Variants in HIVEP3 observed in about 807,000 individuals in gnomAD.
HIVEP3 encodes the protein transcription factor HIVEP3.
A neutral mutation model predicts 152.8 loss-of-function variants in HIVEP3; 49 were observed. The observed-to-expected ratio is 0.32, with a 90% CI of 0.26 to 0.41. HIVEP3 has a LOEUF of 0.41. Ranked by LOEUF, HIVEP3 falls within the 10% of genes least tolerant of loss-of-function variation. HIVEP3 has a pLI of 1.00. For synonymous variants in HIVEP3, 1,269 were observed against 1,289.0 expected (o/e 0.98, Z 0.33); for missense variants, 2,790 against 3,103.3 (o/e 0.90, Z 2.40).
chr1:41,806,538 C>T (rs1299321179), intron 1 of HIVEP3, among the ~76,000 whole-genome samples: 1 of 152,232 alleles, frequency 6.6e-6, no homozygotes, highest in African/African-American at 2.4e-5. Flanking sequence ...GTAAGAAGAG[C>T]ATGGATGCAT....
In HIVEP3 at chr1:41,822,151, C is replaced by T. The variant is rs554976434; in HGVS notation, c.-801+96262G>A. ...GGAGGGTCCCAGCGGGGCACTGAGG[C>T]TGTTGTCTGTGTGGCCACTCTCTCT... On this transcript the variant is annotated intron_variant, in intron 1 of 8. Coordinates refer to ENST00000372583, the MANE Select transcript of HIVEP3 (RefSeq NM_024503.5). Among the ~76,000 whole-genome samples, 122 of 152,270 alleles carry T rather than the reference C, an allele frequency of 8.0e-4. 2 individuals carry two copies. The highest frequency in any genetic ancestry group is 1.3e-3 in the Non-Finnish European group (91 of 68,022).
intron 1 of HIVEP3, among the ~76,000 whole-genome samples, chr1:41,849,752 G>A (rs1055869854): frequency 5.3e-5 from 8 of 150,142 alleles, no homozygotes; most frequent in Admixed American, 1.3e-4. Context: ...GTGCAATGGC[G>A]CAATCTCGGC....
chr1:41,527,705 CCCA>C (rs551511916), intron 5 of HIVEP3, among the ~76,000 whole-genome samples: 35 of 147,274 alleles, frequency 2.4e-4, no homozygotes, highest in African/African-American at 7.8e-4. Context: ...CTCACACACC[CCCA>C]CCCTCACATG....
chr1:41,717,406 G>T (rs1646611624), intron 1 of HIVEP3, among the ~76,000 whole-genome samples: 1 of 152,218 alleles, frequency 6.6e-6, no homozygotes, highest in Admixed American at 6.5e-5. Flanking sequence ...TTGTCAGGTG[G>T]TAATGAGCCC....
intron 1 of HIVEP3, among the ~76,000 whole-genome samples, chr1:41,774,461 AAG>A (rs2124271139): frequency 6.6e-6 from 1 of 152,370 alleles, no homozygotes; most frequent in East Asian, 1.9e-4. Flanking sequence ...TTTTGTGAGA[AAG>A]AATTCAGGCA....
At chr1:41,578,809 A>T (rs536670343) in intron 4 of HIVEP3, among the ~76,000 whole-genome samples, 18 of 152,176 alleles carry the variant, frequency 1.2e-4, no homozygotes, top group African/African-American at 4.3e-4. Flanking sequence ...TAGAAGGGAG[A>T]TGGTTATGTT....
intron 1 of HIVEP3, among the ~76,000 whole-genome samples, chr1:42,022,382 T>C (rs1024412927): frequency 6.6e-6 from 1 of 152,154 alleles, no homozygotes; most frequent in Non-Finnish European, 1.5e-5. Flanking sequence ...GCCCATAAAC[T>C]TACCCTCCTT....
intron 1 of HIVEP3, among the ~76,000 whole-genome samples, chr1:41,736,709 C>A (rs1194936182): frequency 6.6e-6 from 1 of 152,206 alleles, no homozygotes; most frequent in African/African-American, 2.4e-5. Context: ...AGACTCTGTA[C>A]TGGATGCCTG....
chr1:41,925,435 A>C (rs1307214290), intron 1 of HIVEP3, among the ~76,000 whole-genome samples: 2 of 152,230 alleles, frequency 1.3e-5, no homozygotes, highest in Non-Finnish European at 2.9e-5. Flanking sequence ...GAAAAATCAT[A>C]AGAGAAAACA....
intron 6 of HIVEP3, among the ~76,000 whole-genome samples, chr1:41,523,148 C>A (rs969060180): frequency 2.6e-5 from 4 of 152,248 alleles, no homozygotes; most frequent in Non-Finnish European, 4.4e-5. Context: ...CAGTTATCCC[C>A]GTCTTGCTCT....
chr1:41,689,231 T>G (rs1646158787), intron 2 of HIVEP3, among the ~76,000 whole-genome samples: 1 of 152,212 alleles, frequency 6.6e-6, no homozygotes, highest in East Asian at 1.9e-4. Flanking sequence ...TCCAGCTAGA[T>G]TGTCTGTTGT....
At chr1:41,891,070 A>T (rs554143098) in intron 1 of HIVEP3, among the ~76,000 whole-genome samples, 23 of 152,220 alleles carry the variant, frequency 1.5e-4, no homozygotes, top group African/African-American at 5.5e-4. Flanking sequence ...GGCCACTGCC[A>T]CCTGACCACA....
At chr1:41,981,417 G>A (rs980525665) in intron 1 of HIVEP3, among the ~76,000 whole-genome samples, 18 of 152,122 alleles carry the variant, frequency 1.2e-4, no homozygotes, top group East Asian at 7.7e-4. Context: ...AGCCGGCTCC[G>A]TCGGGGGCAG....
rs539767292 is a variant in HIVEP3, at chr1:41,533,688, C to T, written c.5208-8778G>A. ...GTCTCCTTTGCAAGCTCCTTTTTTGCCCACCCTTTCCCATGCCGACATGGC... is the reference window on the plus strand; with the variant it reads ...GTCTCCTTTGCAAGCTCCTTTTTTGTCCACCCTTTCCCATGCCGACATGGC... On this transcript the variant is annotated intron_variant, in intron 5 of 8. Coordinates refer to ENST00000372583, the MANE Select transcript of HIVEP3 (RefSeq NM_024503.5). This position sits in a 1 kb window ranked among gnomAD's most constrained non-coding sequence, Gnocchi z 4.3. 2.0e-5 allele frequency among the ~76,000 whole-genome samples: 3 copies of T among 151,870 alleles called. No individual in the cohort carries two copies. The highest frequency in any genetic ancestry group is 4.8e-5 in the African/African-American group (2 of 41,416).
At chr1:41,562,626 T>C (rs796747281) in intron 5 of HIVEP3, among the ~76,000 whole-genome samples, 3,991 of 112,456 alleles carry the variant, frequency 0.035, 196 homozygotes, top group African/African-American at 0.14. Context: ...TCTCTCTCTC[T>C]CTCTCTCCCT....
intron 1 of HIVEP3, among the ~76,000 whole-genome samples, chr1:41,996,389 C>A (rs74802951): frequency 1.3e-4 from 19 of 141,858 alleles, no homozygotes; most frequent in Admixed American, 2.1e-4. Flanking sequence ...GAACCTATCT[C>A]AAAAAAAAAA....
chr1:41,690,848 G>A (rs1341084158), intron 2 of HIVEP3, among the ~76,000 whole-genome samples: 1 of 152,180 alleles, frequency 6.6e-6, no homozygotes, highest in Non-Finnish European at 1.5e-5. Flanking sequence ...AACCCAGGAG[G>A]AGGAGGTTGC....
At chr1:42,018,411 G>T (rs1645535810) in intron 1 of HIVEP3, among the ~76,000 whole-genome samples, 1 of 151,618 alleles carries the variant, frequency 6.6e-6, no homozygotes, top group South Asian at 2.1e-4. Context: ...TTTGTGAATG[G>T]CTTGAGGAAG....
At chr1:41,793,639 T>C (rs1267795550) in intron 1 of HIVEP3, among the ~76,000 whole-genome samples, 1 of 152,042 alleles carries the variant, frequency 6.6e-6, no homozygotes, top group Non-Finnish European at 1.5e-5. Flanking sequence ...AAAAAAAACA[T>C]GTGATGAAAT....
Sources: allele counts gnomAD v4.1 joint callset (sites outside exome capture counted in the v4.1 genomes callset), GRCh38; gene constraint gnomAD v4.1.1; non-coding constraint Gnocchi (gnomAD v3.1); transcripts MANE v1.5; gene names NCBI Gene and HGNC (gene_info 2026-07-23, HGNC 2026-07-21).